Variants in CLIP1 observed in about 807,000 individuals in gnomAD.
CLIP1 encodes CAP-Gly domain containing linker protein 1.
In CLIP1, 66 loss-of-function variants were observed where a neutral mutation model predicts 161.6. That is an observed-to-expected ratio of 0.41 (90% CI 0.33 to 0.50). The LOEUF (loss-of-function observed/expected upper bound fraction) is 0.50. Ranked by LOEUF, CLIP1 falls within the 20% of genes least tolerant of loss-of-function variation. The pLI is 0.27. For missense variants in CLIP1, 1,376 were observed against 1,702.0 expected (o/e 0.81, Z 3.37); for synonymous variants, 598 against 626.2 (o/e 0.96, Z 0.67).
chr12:122,421,976 A>T (rs907828245), intron 1 of CLIP1, among the ~76,000 whole-genome samples: 1 of 152,176 alleles, frequency 6.6e-6, no homozygotes, highest in African/African-American at 2.4e-5. Context: ...TCACAGCCCC[A>T]CTTGAGAGGA....
intron 20 of CLIP1, among the ~76,000 whole-genome samples, chr12:122,299,455 G>A (rs567450468): frequency 5.3e-5 from 8 of 152,026 alleles, no homozygotes; most frequent in South Asian, 2.1e-4. Flanking sequence ...TTGAATGCAC[G>A]TGATTGCGCC....
intron 1 of CLIP1, among the ~76,000 whole-genome samples, chr12:122,398,040 T>C (rs1312649485): frequency 6.6e-6 from 1 of 152,142 alleles, no homozygotes; most frequent in Non-Finnish European, 1.5e-5. Context: ...GGCAAGCTTA[T>C]TTTATGTAAT....
chr12:122,274,099 C>T lies in CLIP1; in HGVS notation c.4030G>A (p.Val1344Met). Reference protein sequence around the residue: ...QRKNQDLKMKVEMMSEAALNG... With the variant: ...QRKNQDLKMKMEMMSEAALNG... ...AGGGCTGCTTCTGACATCATCTCCA[C>T]CTTCATCTTGAGGTCTTGATTCTTC... is the stretch of plus-strand genomic sequence containing the variant. Residue 1344 changes from valine to methionine, a missense_variant, in exon 25 of 26, where the codon GTG becomes ATG. Coordinates refer to ENST00000620786, the MANE Select transcript of CLIP1 (RefSeq NM_001247997.2). The T allele has an allele frequency of 6.2e-7, 1 of 1,613,302 alleles. No homozygotes were observed. The highest frequency in any genetic ancestry group is 8.5e-7 in the Non-Finnish European group (1 of 1,179,374).
At chr12:122,316,684 C>T in intron 19 of CLIP1, 65 bp downstream of exon 19, 1 of 971,254 alleles carries the variant, frequency 1.0e-6, no homozygotes. Flanking sequence ...AAGTAATTAG[C>T]ATTGTGTTCA....
chr12:122,275,736 C>G (rs372783460), intron 24 of CLIP1: 1 of 151,928 alleles, frequency 6.6e-6, no homozygotes, highest in Non-Finnish European at 1.5e-5. Context: ...CTTTTCTGTT[C>G]GGCAGATTTG....
intron 1 of CLIP1, among the ~76,000 whole-genome samples, chr12:122,390,475 C>T (rs930921932): frequency 6.6e-6 from 1 of 151,296 alleles, no homozygotes; most frequent in African/African-American, 2.4e-5. Context: ...CCACGCCCAG[C>T]TAATTTTTGC....
chr12:122,356,950 C>A (rs957111312), intron 5 of CLIP1, among the ~76,000 whole-genome samples: 2 of 152,216 alleles, frequency 1.3e-5, no homozygotes, highest in Non-Finnish European at 2.9e-5. Context: ...CTCAATGGTA[C>A]CCAGGCTGGA....
chr12:122,313,703 G>C (rs1440110577), intron 19 of CLIP1, among the ~76,000 whole-genome samples: 1 of 151,948 alleles, frequency 6.6e-6, no homozygotes, highest in Non-Finnish European at 1.5e-5. Context: ...GGCAACAAGA[G>C]CAAAACTCCA....
intron 1 of CLIP1, among the ~76,000 whole-genome samples, chr12:122,412,511 C>T (rs997512644): frequency 2.0e-5 from 3 of 151,874 alleles, no homozygotes; most frequent in Admixed American, 1.3e-4. Context: ...AAAAATTAGA[C>T]GGGCAAGGTG....
chr12:122,389,810 TAC>T (rs59935474), intron 1 of CLIP1, among the ~76,000 whole-genome samples: 16,991 of 132,750 alleles, frequency 0.13, 1,434 homozygotes, highest in East Asian at 0.46. Flanking sequence ...TGGGGAGAGA[TAC>T]AGTTTGGATA....
At chr12:122,333,648 G>A (rs1034290152) in intron 14 of CLIP1, among the ~76,000 whole-genome samples, 2 of 152,182 alleles carry the variant, frequency 1.3e-5, no homozygotes, top group Admixed American at 6.5e-5. Flanking sequence ...GGAGAGGAGC[G>A]ACATGATCTG....
chr12:122,385,638 A>T (rs939737294), intron 1 of CLIP1, among the ~76,000 whole-genome samples: 10 of 152,202 alleles, frequency 6.6e-5, no homozygotes, highest in African/African-American at 2.2e-4. Context: ...GGAGGTGTTG[A>T]CAGTAAGAAG....
At chr12:122,298,377 G>A (rs1481349986) in intron 20 of CLIP1, among the ~76,000 whole-genome samples, 2 of 152,216 alleles carry the variant, frequency 1.3e-5, no homozygotes, top group South Asian at 2.1e-4. Context: ...GGGAGGCCGA[G>A]GCGGGTGGAT....
intron 10 of CLIP1, 173 bp from the exon 11 acceptor site, chr12:122,341,870 A>G (rs10846671): frequency 1 from 423,439 of 424,452 alleles, 211,222 homozygotes; most frequent in East Asian, 1. Context: ...TGCAACCTCC[A>G]CCTCCTGGGT....
At chr12:122,275,056 T>C (rs1187042368) in intron 24 of CLIP1, 2 of 151,872 alleles carry the variant, frequency 1.3e-5, no homozygotes, top group Admixed American at 1.3e-4. Context: ...TTCATCATAT[T>C]GTCCAGGATG....
At chr12:122,300,690 G>A (rs1191955584) in intron 20 of CLIP1, among the ~76,000 whole-genome samples, 1 of 152,142 alleles carries the variant, frequency 6.6e-6, no homozygotes, top group African/African-American at 2.4e-5. Context: ...TCAGCCTCCT[G>A]AGTAGCCGCC....
At chr12:122,321,381 G>A (rs1341142676) in intron 17 of CLIP1, among the ~76,000 whole-genome samples, 2 of 151,870 alleles carry the variant, frequency 1.3e-5, no homozygotes, top group South Asian at 2.1e-4. Context: ...GAGTAGCTGG[G>A]ATTATAAGCG....
At chr12:122,356,889 C>G (rs1953408707) in intron 5 of CLIP1, among the ~76,000 whole-genome samples, 1 of 152,258 alleles carries the variant, frequency 6.6e-6, no homozygotes, top group South Asian at 2.1e-4. Context: ...ATCCGCCAGC[C>G]TCGGCCTCCC....
chr12:122,327,868 T>C (rs1041075419), intron 17 of CLIP1, 79 bp downstream of exon 17: 3 of 1,371,024 alleles, frequency 2.2e-6, no homozygotes, highest in Non-Finnish European at 3.1e-6. Context: ...CACTGGCTGC[T>C]GCTTTCTAAG....
Sources: gnomAD v4.1 joint callset for allele counts (sites outside exome capture counted in the v4.1 genomes callset) on GRCh38, gnomAD v4.1.1 for gene constraint, MANE v1.5 for transcripts, NCBI Gene and HGNC (gene_info 2026-07-23, HGNC 2026-07-21) for gene names.